Variants in TASP1 observed in about 807,000 individuals in gnomAD.
TASP1 encodes the protein threonine aspartase 1.
TASP1 carries 16 observed loss-of-function variants against 56.6 expected under a neutral mutation model. That is an observed-to-expected ratio of 0.28 (90% CI 0.19 to 0.43). The LOEUF (loss-of-function observed/expected upper bound fraction) is 0.43. TASP1 is among the 20% of genes least tolerant of loss of function. TASP1 has a pLI of 1.00. For missense variants in TASP1, 393 were observed against 511.6 expected, an observed-to-expected ratio of 0.77 and a Z score of 2.24; for synonymous variants, 179 against 184.2, an observed-to-expected ratio of 0.97 and a Z score of 0.23.
chr20:13,198,705 C>T, the TASP1 span, among the ~76,000 whole-genome samples: 1 of 152,064 alleles, frequency 6.6e-6, no homozygotes, highest in East Asian at 1.9e-4. Context: ...GTTTTTCTAC[C>T]TCATGTCTAA....
chr20:13,542,784 C>T (rs2045670197), intron 8 of TASP1, among the ~76,000 whole-genome samples: 1 of 151,360 alleles, frequency 6.6e-6, no homozygotes, highest in Non-Finnish European at 1.5e-5. Flanking sequence ...AAATGAAAAA[C>T]AAAAATGTAG....
chr20:13,549,625 C>T (rs1223323929), intron 8 of TASP1, among the ~76,000 whole-genome samples: 1 of 152,042 alleles, frequency 6.6e-6, no homozygotes, highest in African/African-American at 2.4e-5. Flanking sequence ...GTTCTTAACA[C>T]CAGCATCTAA....
chr20:13,134,947 A>G, the TASP1 span, among the ~76,000 whole-genome samples: 14 of 152,336 alleles, frequency 9.2e-5, no homozygotes, highest in East Asian at 1.9e-3. Context: ...CCACTTTGGC[A>G]TCAGGAATAG....
chr20:13,244,922 C>T, the TASP1 span, among the ~76,000 whole-genome samples: 2 of 152,156 alleles, frequency 1.3e-5, no homozygotes, highest in Admixed American at 1.3e-4. Flanking sequence ...AACATCAGGT[C>T]ATGTTTCTTT....
At chr20:13,352,447 CAAA>C in the TASP1 span, among the ~76,000 whole-genome samples, 18 of 85,368 alleles carry the variant, frequency 2.1e-4, no homozygotes, top group African/African-American at 3.4e-4. Flanking sequence ...AAGACTGTCT[CAAA>C]AAAAAAAAAA....
At chr20:13,135,408 T>C in the TASP1 span, among the ~76,000 whole-genome samples, 1 of 152,220 alleles carries the variant, frequency 6.6e-6, no homozygotes, top group Admixed American at 6.5e-5. Flanking sequence ...CCATGATCGT[T>C]ACAATTTTGA....
intron 10 of TASP1, among the ~76,000 whole-genome samples, chr20:13,499,333 A>C (rs998124569): frequency 5.9e-5 from 9 of 152,104 alleles, no homozygotes; most frequent in African/African-American, 2.2e-4. Flanking sequence ...GGAGGGGTGC[A>C]AGGGCTGAAA....
the TASP1 span, among the ~76,000 whole-genome samples, chr20:13,332,013 C>T: frequency 6.6e-6 from 1 of 152,022 alleles, no homozygotes; most frequent in East Asian, 1.9e-4. Context: ...AAGAAATGAC[C>T]GTAAGTGGTC....
intron 13 of TASP1, among the ~76,000 whole-genome samples, chr20:13,414,915 C>T (rs181141642): frequency 3.4e-4 from 52 of 152,016 alleles, no homozygotes; most frequent in Admixed American, 1.6e-3. Flanking sequence ...GCCTTTTCTA[C>T]GCAATATGAT....
the TASP1 span, among the ~76,000 whole-genome samples, chr20:13,255,803 C>T: frequency 2.6e-5 from 4 of 152,104 alleles, no homozygotes; most frequent in Non-Finnish European, 5.9e-5. Flanking sequence ...CATGGTAGAC[C>T]TAAGTGAAAC....
At chr20:13,202,027 A>T in the TASP1 span, among the ~76,000 whole-genome samples, 1 of 152,158 alleles carries the variant, frequency 6.6e-6, no homozygotes, top group Admixed American at 6.5e-5. Flanking sequence ...TGCTGGGATT[A>T]CAGGCATGAG....
At position 13,559,059 on chromosome 20, in the gene TASP1, C is replaced by A. The variant is rs1228845783; in HGVS notation, c.624G>T (p.Arg208Ser). The A allele has an allele frequency of 2.5e-6, 4 of 1,595,678 alleles. No individual in the cohort carries two copies. In the African/African-American group the frequency reaches 5.4e-5, roughly 21 times the overall value. ...TTAGTTGCATAAAATCTGTGTCCAC[C>A]CTTTCTGCCAGCTCTAGTTTCCTCT... ...RNKRKLELAE[R>S]VDTDFMQLKK... Residue 208 changes from arginine to serine, a missense_variant, in exon 8 of 14, where the codon AGG becomes AGT. By Grantham distance (110) the Arg-to-Ser change is moderately radical. Transcript: ENST00000337743.
the TASP1 span, among the ~76,000 whole-genome samples, chr20:13,339,804 G>A: frequency 2.6e-5 from 4 of 151,740 alleles, no homozygotes; most frequent in Admixed American, 2.0e-4. Flanking sequence ...CAAAAGCCAG[G>A]GATTATGTAT....
chr20:13,372,431 C>T, the TASP1 span, among the ~76,000 whole-genome samples: 709 of 152,154 alleles, frequency 4.7e-3, 4 homozygotes, highest in Non-Finnish European at 7.6e-3. Context: ...CTGGCTCACA[C>T]TACAGATTTT....
intron 12 of TASP1, among the ~76,000 whole-genome samples, chr20:13,428,095 T>A (rs1257716486): frequency 2.0e-5 from 3 of 152,198 alleles, no homozygotes; most frequent in African/African-American, 7.2e-5. Context: ...TAAGAGCCCA[T>A]ATGCCTCCTA....
At chr20:13,612,924 C>T (rs1331270668) in intron 4 of TASP1, among the ~76,000 whole-genome samples, 2 of 152,112 alleles carry the variant, frequency 1.3e-5, no homozygotes, top group African/African-American at 2.4e-5. Flanking sequence ...TCTCCCAGCA[C>T]GCCCATTCAC....
In TASP1 at chr20:13,396,628, C is replaced by T. The variant is rs1298629928; in HGVS notation, c.1171-6176G>A. Among the ~76,000 whole-genome samples the T allele has an allele frequency of 2.6e-5, 4 of 152,238 alleles. No homozygotes were observed. The South Asian group carries it at 6.2e-4, about 24-fold the overall frequency. Reference sequence around the variant, plus strand: ...AAAAAAAAGTATTTACTTCTATTTTCTCATTGTCTTAAATTAAAAGTATTA... The same window carrying T: ...AAAAAAAAGTATTTACTTCTATTTTTTCATTGTCTTAAATTAAAAGTATTA... On this transcript the variant is annotated intron_variant, in intron 13 of 13. Transcript: ENST00000337743.
At chr20:13,410,931 A>G (rs1453253844) in intron 13 of TASP1, among the ~76,000 whole-genome samples, 1 of 151,968 alleles carries the variant, frequency 6.6e-6, no homozygotes, top group African/African-American at 2.4e-5. Context: ...TATTTTCCCT[A>G]TGTTTTCTTC....
the TASP1 span, among the ~76,000 whole-genome samples, chr20:13,187,732 C>CAAAAAAAA: frequency 1.4e-4 from 8 of 57,152 alleles, no homozygotes; most frequent in Admixed American, 7.5e-4. Flanking sequence ...GACTCCATCT[C>CAAAAAAAA]AAAAAAAAAA....
Sources: allele counts gnomAD v4.1 joint callset (sites outside exome capture counted in the v4.1 genomes callset), GRCh38; gene constraint gnomAD v4.1.1; transcripts MANE v1.5; gene names NCBI Gene and HGNC (gene_info 2026-07-23, HGNC 2026-07-21).